The following PCNX2 variants were observed in gnomAD, a reference collection of about 807,000 sequenced individuals.
The protein encoded by PCNX2 is pecanex-like protein 2.
In PCNX2, 168 loss-of-function variants were observed where a neutral mutation model predicts 223.8. That is an observed-to-expected ratio of 0.75 (90% CI 0.66 to 0.85). PCNX2 has a LOEUF of 0.85. PCNX2 is among the 40% of genes least tolerant of loss of function. The pLI is 0.00. For missense variants in PCNX2, 2,507 were observed against 2,675.5 expected (o/e 0.94, Z 1.39); for synonymous variants, 1,006 against 1,052.6 (o/e 0.96, Z 0.86).
At chr1:233,186,236 A>G (rs1462925741) in intron 15 of PCNX2, among the ~76,000 whole-genome samples, 5 of 152,094 alleles carry the variant, frequency 3.3e-5, no homozygotes, top group African/African-American at 9.7e-5. Context: ...AAACATAGGG[A>G]CATTTTTGAG....
In PCNX2 at chr1:233,189,891, G is replaced by A. The variant is rs547722624; in HGVS notation, c.3066+9048C>T. Among the ~76,000 whole-genome samples the A allele has an allele frequency of 3.0e-4, 45 of 152,282 alleles. 1 individual carries two copies. In the East Asian group the frequency reaches 8.1e-3, roughly 27 times the overall value. On this transcript the variant is annotated intron_variant, in intron 15 of 33. Coordinates refer to ENST00000258229, the MANE Select transcript of PCNX2 (RefSeq NM_014801.4). ...TCTCCGAGGAGCAAATATTCTGGTTGTTTCTGTAGATCACTGTCAAATACT... is the reference window on the plus strand; with the variant it reads ...TCTCCGAGGAGCAAATATTCTGGTTATTTCTGTAGATCACTGTCAAATACT...
chr1:233,044,730 G>A lies in PCNX2; in HGVS notation c.4351+9538C>T, dbSNP rs568333068. The stretch of plus-strand genomic sequence containing the variant: ...GTCGCCCAGGCTGGGGTGCAATGGC[G>A]TGATCTTGGCTCACTGCAACCTCCA... On this transcript the variant is annotated intron_variant, in intron 25 of 33. Coordinates refer to ENST00000258229, the MANE Select transcript of PCNX2 (RefSeq NM_014801.4). Among the ~76,000 whole-genome samples, 6 of 151,588 alleles carry A rather than the reference G, an allele frequency of 4.0e-5. No homozygotes were observed. The East Asian group carries it at 9.7e-4, about 25-fold the overall frequency.
Position 232,999,765 on chromosome 1 carries a change from T to C in PCNX2, c.5329-386A>G, listed in dbSNP as rs145299479. On this transcript the variant is annotated intron_variant, in intron 30 of 33. Transcript: ENST00000258229. ...GCAGGGCTCTGGGACTGAATATCTG[T>C]GACTACAAAACTTTGGTGTAAAGCT... The C allele has an allele frequency of 2.0e-3, 429 of 217,396 alleles. 1 individual carries two copies. Among genetic ancestry groups the C allele is most frequent in the African/African-American group, 9.2e-3 (394 of 42,698 alleles). The allele number at this position is 217,396 out of a possible 1,614,324, so 13.5% of individuals were successfully genotyped here.
chr1:233,244,276 T>C (rs1658967144), intron 8 of PCNX2, among the ~76,000 whole-genome samples: 1 of 152,222 alleles, frequency 6.6e-6, no homozygotes. Flanking sequence ...TGAACCCAGA[T>C]AAGTCCGAGA....
chr1:233,174,544 C>T (rs1679357611), intron 17 of PCNX2, among the ~76,000 whole-genome samples: 2 of 151,782 alleles, frequency 1.3e-5, no homozygotes, highest in Admixed American at 1.3e-4. Context: ...ACCCCTGTTC[C>T]AACATTCCAC....
intron 10 of PCNX2, among the ~76,000 whole-genome samples, chr1:233,221,917 A>G (rs1323154467): frequency 2.0e-5 from 3 of 152,266 alleles, no homozygotes; most frequent in Non-Finnish European, 4.4e-5. Context: ...TTCTTCCTTC[A>G]TGCAGCAAAA....
chr1:233,316,624 T>A, the PCNX2 span, among the ~76,000 whole-genome samples: 1 of 152,238 alleles, frequency 6.6e-6, no homozygotes, highest in Non-Finnish European at 1.5e-5. Flanking sequence ...GGCCTTCAGA[T>A]AATGTGAAAG....
chr1:233,027,061 G>T (rs1296521599), intron 25 of PCNX2, among the ~76,000 whole-genome samples: 1 of 152,158 alleles, frequency 6.6e-6, no homozygotes, highest in Non-Finnish European at 1.5e-5. Flanking sequence ...GGTTGGACAG[G>T]TGAAGAGATC....
chr1:233,026,878 G>A (rs556750921), intron 25 of PCNX2, among the ~76,000 whole-genome samples: 2 of 152,160 alleles, frequency 1.3e-5, no homozygotes, highest in East Asian at 1.9e-4. Flanking sequence ...GGAGGCAGCT[G>A]GATTAAGGAA....
At chr1:233,191,278 G>A (rs1396730950) in intron 15 of PCNX2, among the ~76,000 whole-genome samples, 1 of 152,170 alleles carries the variant, frequency 6.6e-6, no homozygotes, top group Non-Finnish European at 1.5e-5. Context: ...CAGAGCTATT[G>A]CTGAACAAAT....
chr1:233,276,250 T>C (rs571725236), intron 1 of PCNX2, among the ~76,000 whole-genome samples: 20 of 152,180 alleles, frequency 1.3e-4, no homozygotes, highest in Non-Finnish European at 2.6e-4. Context: ...GTTCCACTTA[T>C]ATGAGGTAAC....
In PCNX2 at chr1:232,983,561, T is replaced by A. The variant is rs1187860942; in HGVS notation, c.*743A>T. On this transcript the variant is annotated 3_prime_UTR_variant, in exon 34 of 34. Coordinates refer to ENST00000258229, the MANE Select transcript of PCNX2 (RefSeq NM_014801.4). Reference sequence around the variant, plus strand: ...CCGCAGGGTGCTGGCGGCCCACCAATCGCCTGGACTACAGTGAGGAGCATT... The same window carrying A: ...CCGCAGGGTGCTGGCGGCCCACCAAACGCCTGGACTACAGTGAGGAGCATT... 2.0e-5 allele frequency: 3 copies of A among 152,202 alleles called. No individual in the cohort carries two copies. The highest frequency in any genetic ancestry group is 4.4e-5 in the Non-Finnish European group (3 of 68,046). The allele number at this position is 152,202 out of a possible 1,614,324, so 9.4% of individuals were successfully genotyped here.
intron 9 of PCNX2, 68 bp downstream of exon 9, chr1:233,236,777 C>A (rs1461915177): frequency 4.4e-6 from 7 of 1,575,908 alleles, no homozygotes; most frequent in South Asian, 1.2e-5. Context: ...GTAATCCAAC[C>A]TGGAAAAAGG....
intron 5 of PCNX2, among the ~76,000 whole-genome samples, chr1:233,254,726 A>G (rs1478382734): frequency 1.3e-5 from 2 of 151,454 alleles, no homozygotes; most frequent in Non-Finnish European, 2.9e-5. Flanking sequence ...TACAAAAATG[A>G]AGTCATAATG....
chr1:232,984,089 T>G lies in PCNX2; in HGVS notation c.*215A>C. 2 of 428,410 alleles carry G rather than the reference T, an allele frequency of 4.7e-6. No individual in the cohort carries two copies. The highest frequency in any genetic ancestry group is 4.2e-5 in the East Asian group (1 of 23,760). 26.5% of individuals were successfully genotyped at this position (428,410 alleles called of 1,614,324 possible). ...TTTTGTTTCCCCATCATGTGAGGTT[T>G]TTTTGTTGTTGTTGTTTGATTTTTT... is the stretch of plus-strand genomic sequence containing the variant. On this transcript the variant is annotated 3_prime_UTR_variant, in exon 34 of 34. Transcript: ENST00000258229.
chr1:233,295,225 A>C lies in PCNX2; in HGVS notation c.153+101T>G. 1 of 1,498,296 alleles carries C rather than the reference A, an allele frequency of 6.7e-7. No individual in the cohort carries two copies. The highest frequency in any genetic ancestry group is 9.1e-7 in the Non-Finnish European group (1 of 1,103,960). The allele number at this position is 1,498,296 out of a possible 1,614,324, so 92.8% of individuals were successfully genotyped here. On this transcript the variant is annotated intron_variant, in intron 1 of 33. Coordinates refer to ENST00000258229, the MANE Select transcript of PCNX2 (RefSeq NM_014801.4). This position sits in a 1 kb window ranked among gnomAD's most constrained non-coding sequence, Gnocchi z 4.1. ...CCCTTTCCGTCTCTTAAGAATCTCT[A>C]CGAACCCGAAAGCCCGTGAGGCTGA...
chr1:233,172,629 G>C, intron 17 of PCNX2: 1 of 876,402 alleles, frequency 1.1e-6, no homozygotes, highest in Non-Finnish European at 1.4e-6. Flanking sequence ...TCCATAGTTC[G>C]AGGTCTGAAA....
intron 25 of PCNX2, among the ~76,000 whole-genome samples, chr1:233,041,428 A>G (rs1157310463): frequency 6.6e-6 from 1 of 152,182 alleles, no homozygotes; most frequent in East Asian, 1.9e-4. Context: ...GTCACAGTCA[A>G]AATGCGGGTG....
intron 28 of PCNX2, among the ~76,000 whole-genome samples, chr1:233,004,222 AT>A (rs1242097509): frequency 6.6e-6 from 1 of 151,944 alleles, no homozygotes; most frequent in Non-Finnish European, 1.5e-5. Flanking sequence ...CCACACACTT[AT>A]GTATTTTTTT....
Sources: allele counts gnomAD v4.1 joint callset (sites outside exome capture counted in the v4.1 genomes callset), GRCh38; gene constraint gnomAD v4.1.1; non-coding constraint Gnocchi (gnomAD v3.1); transcripts MANE v1.5; gene names NCBI Gene and HGNC (gene_info 2026-07-23, HGNC 2026-07-21).